The following POT1 variants were observed in gnomAD, a reference collection of about 807,000 sequenced individuals.
POT1 encodes the protein protection of telomeres 1.
Under a neutral mutation model 78.5 loss-of-function variants are expected in POT1, and 47 were observed. The ratio of observed to expected loss-of-function variants is 0.60; its 90% CI spans 0.47 to 0.76. The LOEUF is 0.76. Ranked by LOEUF, POT1 falls within the 30% of genes least tolerant of loss-of-function variation. The pLI is 0.00. For synonymous variants in POT1, 259 were observed against 260.7 expected (o/e 0.99, Z 0.06); for missense variants, 646 against 749.9 (o/e 0.86, Z 1.62).
chr7:124,903,338 G>A (rs1239391918), intron 3 of POT1, among the ~76,000 whole-genome samples: 34 of 152,200 alleles, frequency 2.2e-4, no homozygotes, highest in Admixed American at 2.2e-3. Flanking sequence ...AGACCACAGT[G>A]TAATCAAATT....
At chr7:124,927,715 C>T (rs1797309954) in intron 2 of POT1, among the ~76,000 whole-genome samples, 1 of 152,198 alleles carries the variant, frequency 6.6e-6, no homozygotes, top group South Asian at 2.1e-4. Context: ...CACTTGCCTA[C>T]TGCACACTAC....
intron 6 of POT1, among the ~76,000 whole-genome samples, chr7:124,889,857 C>T (rs948643207): frequency 6.6e-6 from 1 of 151,940 alleles, no homozygotes; most frequent in Non-Finnish European, 1.5e-5. Context: ...GACAGTGCAC[C>T]TAGTCACACA....
intron 7 of POT1, among the ~76,000 whole-genome samples, chr7:124,870,031 T>A (rs1795829512): frequency 6.6e-6 from 1 of 151,946 alleles, no homozygotes; most frequent in Non-Finnish European, 1.5e-5. Flanking sequence ...AGACTGACCA[T>A]GAAGGACAGA....
intron 6 of POT1, among the ~76,000 whole-genome samples, chr7:124,886,964 T>C (rs1796256754): frequency 6.6e-6 from 1 of 152,154 alleles, no homozygotes; most frequent in South Asian, 2.1e-4. Context: ...AATTATATCT[T>C]CTATAGATAC....
intron 11 of POT1, among the ~76,000 whole-genome samples, chr7:124,851,003 A>G (rs771178617): frequency 5.9e-5 from 9 of 151,510 alleles, no homozygotes. Context: ...TGGTGGCTCA[A>G]GCCTGTAATC....
intron 5 of POT1, among the ~76,000 whole-genome samples, chr7:124,895,726 T>C (rs183102026): frequency 1.3e-5 from 2 of 151,702 alleles, no homozygotes; most frequent in Admixed American, 1.3e-4. Context: ...AAAGAACTAA[T>C]TAAATGAAGT....
chr7:124,904,240 T>C (rs1796700631), intron 3 of POT1, among the ~76,000 whole-genome samples: 1 of 152,168 alleles, frequency 6.6e-6, no homozygotes, highest in South Asian at 2.1e-4. Flanking sequence ...CCAATATCCC[T>C]GATGAACATC....
chr7:124,892,263 T>C lies in POT1; in HGVS notation c.124+3A>G. The C allele has an allele frequency of 2.0e-6, 3 of 1,501,446 alleles. No homozygotes were observed. The highest frequency in any genetic ancestry group is 2.7e-6 in the Non-Finnish European group (3 of 1,119,844). 93.0% of individuals were successfully genotyped at this position (1,501,446 alleles called of 1,614,324 possible). A position where few individuals can be genotyped will look rare whatever the true frequency, so the allele number is the denominator to read the frequency against. On this transcript the variant is annotated splice_donor_region_variant and intron_variant, in intron 6 of 18. Coordinates refer to ENST00000357628, the MANE Select transcript of POT1 (RefSeq NM_015450.3). ...AAAAAACTCCACCAGTTTTAATACC[T>C]ACCAGTTCCTTTGCTTAGATATGGG... is the stretch of plus-strand genomic sequence containing the variant.
At position 124,863,546 on chromosome 7, in the gene POT1, C is replaced by T. The variant is rs1385542313; in HGVS notation, c.350G>A (p.Arg117His). 3.1e-6 allele frequency: 5 copies of T among 1,613,774 alleles called. No homozygotes were observed. Among genetic ancestry groups the T allele is most frequent in the East Asian group, 2.2e-5 (1 of 44,854 alleles). Reference protein sequence around the residue: ...EGTLGAPIIPRTSSKYFNFTT... With the variant: ...EGTLGAPIIPHTSSKYFNFTT... ...GAAGTTAAAATACTTGCTTGAAGTG[C>T]GAGGTATGATAGGGGCTCCCAAAGT... Residue 117 changes from arginine to histidine, a missense_variant, in exon 8 of 19, where the codon CGC becomes CAC. Transcript: ENST00000357628.
In POT1 at chr7:124,863,608, G is replaced by T. The variant is rs2116542595; in HGVS notation, c.288C>A (p.Ile96=). The T allele has an allele frequency of 6.2e-7, 1 of 1,613,258 alleles. No individual in the cohort carries two copies. The highest frequency in any genetic ancestry group is 8.5e-7 in the Non-Finnish European group (1 of 1,179,636). Residue 96 remains isoleucine (I), a synonymous_variant, in exon 8 of 19, where the codon ATC becomes ATA. Transcript: ENST00000357628. ...TCAAAGATGCAAAGCCAGAGCTGGT[G>T]ATACCCTGAGTCTCCTTTTTATATA... ...IQVYKKETQG[I]TSSGFASLTF...
intron 12 of POT1, among the ~76,000 whole-genome samples, chr7:124,844,006 G>A (rs1049598047): frequency 1.3e-5 from 2 of 152,052 alleles, no homozygotes; most frequent in African/African-American, 2.4e-5. Flanking sequence ...TGACAAATGA[G>A]TCTGCCCAAA....
At chr7:124,896,374 T>C (rs572637884) in intron 5 of POT1, among the ~76,000 whole-genome samples, 3 of 151,856 alleles carry the variant, frequency 2.0e-5, no homozygotes, top group Non-Finnish European at 3.0e-5. Context: ...TTTTGGGAAA[T>C]ACTAATACCA....
intron 6 of POT1, among the ~76,000 whole-genome samples, chr7:124,883,838 A>T (rs142018826): frequency 2.8e-4 from 42 of 152,062 alleles, no homozygotes; most frequent in African/African-American, 9.9e-4. Context: ...AATAGATTAA[A>T]TAATTATTAC....
chr7:124,929,523 A>C (rs1350539331), intron 1 of POT1: 1 of 152,094 alleles, frequency 6.6e-6, no homozygotes, highest in Non-Finnish European at 1.5e-5. Flanking sequence ...GACACTCACT[A>C]GTGTCGATAT....
rs778955557 is a variant in POT1 at position 124,841,042 on chromosome 7, C to T, written c.1300G>A (p.Val434Ile). 5 of 1,612,302 alleles carry T rather than the reference C, an allele frequency of 3.1e-6. No individual in the cohort carries two copies. In the South Asian group the frequency reaches 5.5e-5, roughly 18 times the overall value. Residue 434 changes from valine (V) to isoleucine (I), a missense_variant, in exon 14 of 19, where the codon GTA (valine) becomes ATA (isoleucine). This residue lies in a region of POT1 where 394 missense variants were observed against 408.4 expected (regional missense o/e 0.96). Transcript: ENST00000357628. ...TTATTTTTCACAAAATGAACTGCTA[C>T]TTTTCGTCCTTTTTGATTTTTAGTG... ...WTTKNQKGRK[V>I]AVHFVKNNGI...
intron 3 of POT1, among the ~76,000 whole-genome samples, chr7:124,903,257 C>T (rs6973447): frequency 0.6 from 90,886 of 151,404 alleles, 27,358 homozygotes; most frequent in African/African-American, 0.65. Context: ...TACTCCAAAA[C>T]TGACCATAGT....
rs143999687 is a variant in POT1 at position 124,872,969 on chromosome 7, T to C, written c.125-1928A>G. On this transcript the variant is annotated intron_variant, in intron 6 of 18. Coordinates refer to ENST00000357628, the MANE Select transcript of POT1 (RefSeq NM_015450.3). Reference sequence around the variant, plus strand: ...ATCTTTTCGCATACCTGTCTGCCATTTGTATGTCATTTTTAAAGAAATGTC... The same window carrying C: ...ATCTTTTCGCATACCTGTCTGCCATCTGTATGTCATTTTTAAAGAAATGTC... Among the ~76,000 whole-genome samples the C allele has an allele frequency of 2.4e-3, 368 of 152,340 alleles. 1 individual carries two copies. The highest frequency in any genetic ancestry group is 8.6e-3 in the African/African-American group (359 of 41,590).
chr7:124,883,013 G>A (rs1289732255), intron 6 of POT1, among the ~76,000 whole-genome samples: 6 of 151,990 alleles, frequency 3.9e-5, no homozygotes, highest in Non-Finnish European at 7.4e-5. Flanking sequence ...CTGAAGAGGG[G>A]AGGCTTGTCT....
intron 7 of POT1, among the ~76,000 whole-genome samples, chr7:124,864,181 T>C (rs913908481): frequency 1.3e-5 from 2 of 152,180 alleles, no homozygotes; most frequent in African/African-American, 2.4e-5. Context: ...TACATCTTCA[T>C]GAAGTGACCC....
Sources: gnomAD v4.1 joint callset for allele counts (sites outside exome capture counted in the v4.1 genomes callset) on GRCh38, gnomAD v4.1.1 for gene constraint, gnomAD v4.1.1 regional missense constraint, MANE v1.5 for transcripts, NCBI Gene and HGNC (gene_info 2026-07-23, HGNC 2026-07-21) for gene names.